The following DEF8 variants were observed in gnomAD, a reference collection of about 807,000 sequenced individuals.
The protein encoded by DEF8 is DEF-8.
Under a neutral mutation model 59.1 loss-of-function variants are expected in DEF8, and 38 were observed. That is an observed-to-expected ratio of 0.64 (90% confidence interval 0.50 to 0.84). DEF8 has a LOEUF of 0.84. Among genes scored for constraint, DEF8 ranks in the 40% least tolerant of loss-of-function variants. DEF8 has a pLI of 0.00. For synonymous variants in DEF8, 265 were observed against 250.1 expected (o/e 1.06, Z -0.56); for missense variants, 557 against 615.2 (o/e 0.91, Z 1.00).
At chr16:89,957,408 G>A (rs2033380650) in intron 4 of DEF8, 103 bp from the exon 5 acceptor site, 2 of 1,275,724 alleles carry the variant, frequency 1.6e-6, no homozygotes, top group African/African-American at 3.0e-5. Context: ...TTCTCTGGGT[G>A]AGGGGTGTCG....
chr16:89,964,102 C>T (rs750584355), intron 10 of DEF8, 68 bp from the exon 11 acceptor site: 19 of 1,603,294 alleles, frequency 1.2e-5, no homozygotes, highest in Middle Eastern at 1.7e-4. Context: ...ACCACTGCAG[C>T]GACCATGGGT....
intron 6 of DEF8, among the ~76,000 whole-genome samples, chr16:89,960,667 G>A (rs2033913247): frequency 6.6e-6 from 1 of 152,178 alleles, no homozygotes; most frequent in African/African-American, 2.4e-5. Context: ...TGGACAGGTT[G>A]GGTCTGGTGG....
intron 4 of DEF8, among the ~76,000 whole-genome samples, chr16:89,955,468 G>A (rs1445993297): frequency 1.3e-5 from 2 of 152,148 alleles, no homozygotes; most frequent in Non-Finnish European, 2.9e-5. Flanking sequence ...TGACACCACA[G>A]ACCCCCACCC....
chr16:89,959,075 A>G lies in DEF8; in HGVS notation c.434A>G (p.Lys145Arg). The G allele has an allele frequency of 1.2e-6, 2 of 1,613,840 alleles. No homozygotes were observed. Among genetic ancestry groups the G allele is most frequent in the Non-Finnish European group, 1.7e-6 (2 of 1,180,026 alleles). ...VLLEHRFYKE[K>R]SKSVKQTCDK... ...CTTGAGCACCGCTTTTACAAGGAGA[A>G]GAGCAAGAGCGTCAAGCAGACCTGT... Residue 145 changes from lysine (K) to arginine (R), a missense_variant, in exon 6 of 13, where the codon AAG (lysine) becomes AGG (arginine). Physicochemically the swap from Lys to Arg is conservative, Grantham distance 26. Transcript: ENST00000563594.
rs200166468 is a variant in DEF8, at chr16:89,949,668, G to A, written c.-11+155G>A. 2.8e-3 allele frequency: 4,373 copies of A among 1,581,906 alleles called. 12 individuals are homozygous for A. Among genetic ancestry groups the A allele is most frequent in the Middle Eastern group, 4.0e-3 (22 of 5,554 alleles). ...GTGCATCCCGCGTGTCCTGAGCTTC[G>A]GCCCAGGGTCCCTCCGTGCCCCGGA... On this transcript the variant is annotated intron_variant, in intron 2 of 12. Transcript: ENST00000563594.
Position 89,954,487 on chromosome 16 carries a change from C to T in DEF8, c.124+111C>T, listed in dbSNP as rs892870648. ...CGCAGCCCTGGCTTTCCCACGGAGCCGGCACCTGCTGGCTGTGTTCTTTTT... is the reference window on the plus strand; with the variant it reads ...CGCAGCCCTGGCTTTCCCACGGAGCTGGCACCTGCTGGCTGTGTTCTTTTT... On this transcript the variant is annotated intron_variant, in intron 3 of 12. Coordinates refer to ENST00000563594, the MANE Select transcript of DEF8 (RefSeq NM_001242818.2). The surrounding 1 kb of genome is among the most constrained non-coding windows in gnomAD (Gnocchi z 4.3). 6 of 1,216,740 alleles carry T rather than the reference C, an allele frequency of 4.9e-6. No homozygotes were observed. The highest frequency in any genetic ancestry group is 5.7e-6 in the Non-Finnish European group (5 of 873,704). The allele number at this position is 1,216,740 out of a possible 1,614,324, so 75.4% of individuals were successfully genotyped here.
chr16:89,962,862 G>A (rs2034212245), intron 9 of DEF8, among the ~76,000 whole-genome samples: 5 of 152,254 alleles, frequency 3.3e-5, no homozygotes, highest in Admixed American at 3.3e-4. Context: ...GGTGCTCTGT[G>A]GCTGTGCAGG....
At chr16:89,949,153 C>A (rs1428688429) in intron 1 of DEF8, among the ~76,000 whole-genome samples, 1 of 149,784 alleles carries the variant, frequency 6.7e-6, no homozygotes, top group African/African-American at 2.4e-5. Context: ...CCGCCCGGCG[C>A]AGGGGCCTCG....
At chr16:89,965,581 G>A (rs1473972861) in intron 12 of DEF8, among the ~76,000 whole-genome samples, 3 of 152,164 alleles carry the variant, frequency 2.0e-5, no homozygotes, top group Non-Finnish European at 2.9e-5. Flanking sequence ...GCTCTGAGTC[G>A]AGTCTGGCGT....
chr16:89,954,674 G>C lies in DEF8; in HGVS notation c.124+298G>C, dbSNP rs892827110. ...CTGAGTGCGGTCAGCGCTGAGACCTGGTAAGGGAGAGGTTAGCCGAGGGAA... is the reference window on the plus strand; with the variant it reads ...CTGAGTGCGGTCAGCGCTGAGACCTCGTAAGGGAGAGGTTAGCCGAGGGAA... On this transcript the variant is annotated intron_variant, in intron 3 of 12. Coordinates refer to ENST00000563594, the MANE Select transcript of DEF8 (RefSeq NM_001242818.2). The surrounding 1 kb of genome is among the most constrained non-coding windows in gnomAD (Gnocchi z 4.3). Among the ~76,000 whole-genome samples, 2 of 152,212 alleles carry C rather than the reference G, an allele frequency of 1.3e-5. No homozygotes were observed. Among genetic ancestry groups the C allele is most frequent in the African/African-American group, 4.8e-5 (2 of 41,442 alleles).
intron 4 of DEF8, among the ~76,000 whole-genome samples, chr16:89,955,729 T>C (rs62052226): frequency 0.05 from 7,536 of 152,218 alleles, 358 homozygotes; most frequent in East Asian, 0.26. Flanking sequence ...TTTTGTTCCA[T>C]GGAAGCCTTG....
chr16:89,955,088 T>C (rs2032918313), intron 3 of DEF8, 81 bp from the exon 4 acceptor site: 4 of 1,129,918 alleles, frequency 3.5e-6, no homozygotes, highest in Middle Eastern at 4.7e-4. Context: ...TTCCCACTCC[T>C]GGCTATCTCA....
chr16:89,962,982 T>C (rs1014803175), intron 9 of DEF8, among the ~76,000 whole-genome samples: 1 of 152,214 alleles, frequency 6.6e-6, no homozygotes, highest in African/African-American at 2.4e-5. Flanking sequence ...CGCCAGGTAG[T>C]GAAAGGAGGC....
chr16:89,949,780 G>T, intron 2 of DEF8: 2 of 834,776 alleles, frequency 2.4e-6, no homozygotes, highest in South Asian at 1.8e-5. Flanking sequence ...GGAGGGGCAG[G>T]GGGTGGCCAG....
intron 12 of DEF8, among the ~76,000 whole-genome samples, chr16:89,965,287 C>A (rs764137689): frequency 6.6e-6 from 1 of 152,136 alleles, no homozygotes; most frequent in Non-Finnish European, 1.5e-5. Context: ...ACACTCCCCC[C>A]CAGTTTCTGT....
chr16:89,964,317 C>A lies in DEF8; in HGVS notation c.1143+7C>A. On this transcript the variant is annotated splice_region_variant and intron_variant, in intron 11 of 12. Coordinates refer to ENST00000563594, the MANE Select transcript of DEF8 (RefSeq NM_001242818.2). Reference sequence around the variant, plus strand: ...CATCAAGCTGGACTGCGAGGTGGGCCTCTGCCCGAGGGCCGCTCTTCTCCA... The same window carrying A: ...CATCAAGCTGGACTGCGAGGTGGGCATCTGCCCGAGGGCCGCTCTTCTCCA... 6.3e-7 allele frequency: 1 copy of A among 1,578,902 alleles called. No individual in the cohort carries two copies. Among genetic ancestry groups the A allele is most frequent in the South Asian group, 1.1e-5 (1 of 87,022 alleles).
chr16:89,961,959 G>A lies in DEF8; in HGVS notation c.808-53G>A, dbSNP rs561824374. 1.5e-4 allele frequency: 238 copies of A among 1,608,320 alleles called. No individual in the cohort carries two copies. The Middle Eastern group carries it at 5.3e-3, about 36-fold the overall frequency. ...GTGTACCCCTGGTTGGGTGTTGCCC[G>A]CTGCACGGGCCCTGGGTGGGTGTGA... On this transcript the variant is annotated intron_variant, in intron 8 of 12. Transcript: ENST00000563594.
intron 5 of DEF8, 83 bp downstream of exon 5, chr16:89,957,743 GCTCTCTCTCAGGCGGTGGTCT>G (rs2033450301): frequency 4.2e-6 from 6 of 1,434,056 alleles, no homozygotes; most frequent in African/African-American, 1.4e-5. Flanking sequence ...CCAGCCTCTG[GCTCTCTCTCAGGCGGTGGTCT>G]CTCTCTCGGC....
Position 89,957,593 on chromosome 16 carries a change from A to C in DEF8, c.305A>C (p.Gln102Pro), listed in dbSNP as rs1275370804. Residue 102 changes from glutamine to proline, a missense_variant, in exon 5 of 13, where the codon CAG (glutamine) becomes CCG (proline). Physicochemically the swap from Gln to Pro is moderately conservative, Grantham distance 76. Coordinates refer to ENST00000563594, the MANE Select transcript of DEF8 (RefSeq NM_001242818.2). ...CAGGTGATTCTGGAGCTGCCCGAGC[A>C]GTCGGAGAAGCAGAAGGATGCCGTG... is the stretch of plus-strand genomic sequence containing the variant. ...CKQVILELPE[Q>P]SEKQKDAVVR... 1 of 1,585,738 alleles carries C rather than the reference A, an allele frequency of 6.3e-7. No homozygotes were observed. Among genetic ancestry groups the C allele is most frequent in the Non-Finnish European group, 8.6e-7 (1 of 1,166,604 alleles).
Sources: gnomAD v4.1 joint callset for allele counts (sites outside exome capture counted in the v4.1 genomes callset) on GRCh38, gnomAD v4.1.1 for gene constraint, Gnocchi (gnomAD v3.1) non-coding constraint, MANE v1.5 for transcripts, NCBI Gene and HGNC (gene_info 2026-07-23, HGNC 2026-07-21) for gene names.